Variants in SYNE1 observed in about 807,000 individuals in gnomAD.
The protein encoded by SYNE1 is nesprin-1.
Under a neutral mutation model 1,111.0 loss-of-function variants are expected in SYNE1, and 616 were observed. The ratio of observed to expected loss-of-function variants is 0.55; its 90% CI spans 0.52 to 0.59. SYNE1 has a LOEUF of 0.59. Among genes scored for constraint, SYNE1 ranks in the 20% least tolerant of loss-of-function variants. The pLI is 0.00. For missense variants in SYNE1, 10,006 were observed against 10,417.0 expected (o/e 0.96, Z 1.72); for synonymous variants, 3,855 against 3,825.8 (o/e 1.01, Z -0.28).
At position 152,234,755 on chromosome 6, in the gene SYNE1, T is replaced by A; in HGVS notation, c.20442A>T (p.Ala6814=). Residue 6814 remains alanine (A), a synonymous_variant, in exon 111 of 146, where the codon GCA becomes GCT. Coordinates refer to ENST00000367255, the MANE Select transcript of SYNE1 (RefSeq NM_182961.4). ...GAGTCCAAAATTCTAGCCGGTCTTT[T>A]GCAGATTGTAACCAGTGAATTAGAT... ...SADLIHWLQS[A]KDRLEFWTQQ... 4 of 1,614,208 alleles carry A rather than the reference T, an allele frequency of 2.5e-6. No homozygotes were observed. The highest frequency in any genetic ancestry group is 3.4e-6 in the Non-Finnish European group (4 of 1,180,034).
At chr6:152,404,413 A>T (rs781112473) in intron 45 of SYNE1, 99 bp from the exon 46 acceptor site, 53 of 871,732 alleles carry the variant, frequency 6.1e-5, no homozygotes, top group Admixed American at 4.8e-4. Context: ...AAATACCCCA[A>T]CTTTAAGCCA....
chr6:152,590,883 C>T (rs906549766), intron 3 of SYNE1, among the ~76,000 whole-genome samples: 1 of 151,938 alleles, frequency 6.6e-6, no homozygotes, highest in Non-Finnish European at 1.5e-5. Flanking sequence ...TTTTTGGTTC[C>T]ACAGAAATTT....
chr6:152,180,136 C>T lies in SYNE1; in HGVS notation c.23460G>A (p.Lys7820=). ...ACCTAAGTAGCCATGCATTCCATAC[C>T]TTCTTGAGCTTCTCTATCATTTCTT... The part of the protein sequence containing the change: ...LIEEMIEKLK[K]DYQEEIAIAQ... Residue 7820 remains lysine (K), a splice_region_variant and synonymous_variant, in exon 129 of 146, where the codon AAG becomes AAA. Transcript: ENST00000367255. 1 of 1,613,978 alleles carries T rather than the reference C, an allele frequency of 6.2e-7. No homozygotes were observed. Among genetic ancestry groups the T allele is most frequent in the Non-Finnish European group, 8.5e-7 (1 of 1,179,966 alleles).
intron 125 of SYNE1, 85 bp downstream of exon 125, chr6:152,207,887 G>T: frequency 7.8e-7 from 1 of 1,275,486 alleles, no homozygotes; most frequent in South Asian, 1.2e-5. Flanking sequence ...TGTCACTCTA[G>T]AGTCCTTTTG....
intron 59 of SYNE1, 121 bp downstream of exon 59, chr6:152,372,916 C>G: frequency 9.4e-7 from 1 of 1,066,800 alleles, no homozygotes; most frequent in Middle Eastern, 2.8e-4. Context: ...TTCTTATGTT[C>G]TGAGAGGGGT....
intron 11 of SYNE1, among the ~76,000 whole-genome samples, chr6:152,496,728 CTTA>C (rs1443156727): frequency 2.6e-5 from 4 of 152,088 alleles, no homozygotes; most frequent in Non-Finnish European, 4.4e-5. Flanking sequence ...TTTTGTTTTT[CTTA>C]TTAATATAAG....
At chr6:152,554,042 GC>G (rs755706163) in intron 3 of SYNE1, among the ~76,000 whole-genome samples, 6 of 152,006 alleles carry the variant, frequency 3.9e-5, no homozygotes, top group Non-Finnish European at 8.8e-5. Flanking sequence ...GATCCCCGGG[GC>G]TGAGGACCAG....
chr6:152,581,446 A>G (rs2099519063), intron 3 of SYNE1, among the ~76,000 whole-genome samples: 1 of 152,226 alleles, frequency 6.6e-6, no homozygotes, highest in Non-Finnish European at 1.5e-5. Context: ...CTAAGTAGCC[A>G]CTGCATCCTA....
chr6:152,180,446 A>G, intron 128 of SYNE1, 152 bp from the exon 129 acceptor site: 3 of 740,026 alleles, frequency 4.1e-6, no homozygotes, highest in Non-Finnish European at 6.6e-6. Flanking sequence ...TTGCTATTAT[A>G]AAGTGGGAGA....
chr6:152,415,640 A>C (rs1309066863), intron 41 of SYNE1, among the ~76,000 whole-genome samples: 2 of 152,194 alleles, frequency 1.3e-5, no homozygotes, highest in Non-Finnish European at 2.9e-5. Flanking sequence ...ATAGAAGATG[A>C]ATCCCTTCTC....
chr6:152,323,411 C>T, intron 82 of SYNE1, 67 bp downstream of exon 82: 3 of 1,594,932 alleles, frequency 1.9e-6, no homozygotes, highest in Non-Finnish European at 2.5e-6. Context: ...TGCACTCCAG[C>T]CTGGGCGACA....
Position 152,436,082 on chromosome 6 carries a change from T to C in SYNE1, c.4169A>G (p.Glu1390Gly). The C allele has an allele frequency of 6.2e-7, 1 of 1,613,942 alleles. No homozygotes were observed. Among genetic ancestry groups the C allele is most frequent in the Non-Finnish European group, 8.5e-7 (1 of 1,179,978 alleles). ...GTTCTCAGCCTGGACTGCAATACTT[T>C]CTGTCCGTTTAGAAAACTCCTAGAA... is the stretch of plus-strand genomic sequence containing the variant. ...EQTKEFSKRT[E>G]SIAVQAENLV... is the part of the protein sequence containing the mutation. Residue 1390 changes from glutamate (E) to glycine (G), a missense_variant, in exon 33 of 146, where the codon GAA becomes GGA. Around this residue, in one of 7 missense-constraint regions of SYNE1, gnomAD observed 1,971 missense variants for 2,084.1 expected, o/e 0.95. Transcript: ENST00000367255.
chr6:152,383,610 A>C (rs949655858), intron 55 of SYNE1, among the ~76,000 whole-genome samples: 2 of 152,118 alleles, frequency 1.3e-5, no homozygotes, highest in East Asian at 3.9e-4. Context: ...TCTACCTTTC[A>C]AATCATTTTC....
rs1220584051 is a variant in SYNE1 at position 152,331,018 on chromosome 6, T to A, written c.13667A>T (p.Glu4556Val). The A allele has an allele frequency of 6.2e-7, 1 of 1,614,072 alleles. No homozygotes were observed. Among genetic ancestry groups the A allele is most frequent in the Admixed American group, 1.7e-5 (1 of 60,000 alleles). ...VLQKCSHRLQELEKNLVSRKH... is the reference protein window; with the variant it reads ...VLQKCSHRLQVLEKNLVSRKH... ...CCTAGAAACCAAATTCTTCTCTAGT[T>A]CTTGTAACCGGTGACTGCACTTTTG... Residue 4556 changes from glutamate (E) to valine (V), a missense_variant, in exon 78 of 146, where the codon GAA becomes GTA. Transcript: ENST00000367255.
At chr6:152,181,853 AGATT>A (rs1279999737) in intron 128 of SYNE1, among the ~76,000 whole-genome samples, 2 of 152,202 alleles carry the variant, frequency 1.3e-5, no homozygotes, top group Non-Finnish European at 2.9e-5. Flanking sequence ...GTAACACTAT[AGATT>A]GTTTTCCAAA....
At chr6:152,361,766 TA>T (rs1263001449) in intron 64 of SYNE1, among the ~76,000 whole-genome samples, 1 of 151,616 alleles carries the variant, frequency 6.6e-6, no homozygotes, top group African/African-American at 2.4e-5. Flanking sequence ...TTTATTTATT[TA>T]AAAAAATCTT....
intron 58 of SYNE1, among the ~76,000 whole-genome samples, chr6:152,375,389 C>T (rs2097262315): frequency 6.6e-6 from 1 of 152,198 alleles, no homozygotes; most frequent in Admixed American, 6.5e-5. Flanking sequence ...AGCACGAGTG[C>T]TTACACACAG....
chr6:152,277,080 C>T (rs1273012028), intron 98 of SYNE1, among the ~76,000 whole-genome samples: 2 of 150,726 alleles, frequency 1.3e-5, no homozygotes, highest in Non-Finnish European at 3.0e-5. Context: ...TTATTAGAAA[C>T]GGGGTTTCAC....
rs2097248166 is a variant in SYNE1 at position 152,374,563 on chromosome 6, C to T, written c.9325-1344G>A. ...CCGAGGCGGGCACATCAGTTGAGCC[C>T]AGGACTTCGAGACCAGCCTGAGCAA... On this transcript the variant is annotated intron_variant, in intron 58 of 145. Coordinates refer to ENST00000367255, the MANE Select transcript of SYNE1 (RefSeq NM_182961.4). Among the ~76,000 whole-genome samples the T allele has an allele frequency of 2.0e-5, 3 of 152,112 alleles. No individual in the cohort carries two copies. In the South Asian group the frequency reaches 6.2e-4, roughly 32 times the overall value.
Sources: gnomAD v4.1 joint callset for allele counts (sites outside exome capture counted in the v4.1 genomes callset) on GRCh38, gnomAD v4.1.1 for gene constraint, gnomAD v4.1.1 regional missense constraint, MANE v1.5 for transcripts, NCBI Gene and HGNC (gene_info 2026-07-23, HGNC 2026-07-21) for gene names.